Variants in PHACTR1 observed in about 807,000 individuals in gnomAD.
PHACTR1 encodes the protein RPEL repeat containing 1.
A neutral mutation model predicts 69.2 loss-of-function variants in PHACTR1; 16 were observed. The observed-to-expected ratio is 0.23, with a 90% CI of 0.16 to 0.35. PHACTR1 has a LOEUF of 0.35. Ranked by LOEUF, PHACTR1 falls within the 10% of genes least tolerant of loss-of-function variation. The pLI, the probability that PHACTR1 is intolerant of heterozygous loss-of-function variation, is 1.00. For missense variants in PHACTR1, 510 were observed against 734.7 expected, an observed-to-expected ratio of 0.69 and a Z score of 3.54; for synonymous variants, 312 against 284.5, an observed-to-expected ratio of 1.10 and a Z score of -0.97.
intron 10 of PHACTR1, among the ~76,000 whole-genome samples, chr6:13,234,998 T>G (rs868258306): frequency 6.6e-6 from 1 of 152,240 alleles, no homozygotes; most frequent in Non-Finnish European, 1.5e-5. Context: ...TATTTGTGCC[T>G]GAATTGTAAT....
Position 13,287,427 on chromosome 6 carries a change from G to T in PHACTR1, c.*349G>T. 3.3e-6 allele frequency: 1 copy of T among 302,816 alleles called. No homozygotes were observed. The highest frequency in any genetic ancestry group is 6.2e-6 in the Non-Finnish European group (1 of 161,482). 18.8% of individuals were successfully genotyped at this position (302,816 alleles called of 1,614,324 possible). The stretch of plus-strand genomic sequence containing the variant: ...AGGCACTACCTTCATGAAGTCTCCA[G>T]CAAACCTCTTCCTCACAAGTGTCTG... On this transcript the variant is annotated 3_prime_UTR_variant, in exon 15 of 15. Coordinates refer to ENST00000332995, the MANE Select transcript of PHACTR1 (RefSeq NM_030948.6).
intron 4 of PHACTR1, among the ~76,000 whole-genome samples, chr6:12,775,348 T>C (rs143843648): frequency 6.4e-4 from 98 of 152,374 alleles, no homozygotes; most frequent in Middle Eastern, 6.8e-3. Flanking sequence ...AATATTTATT[T>C]AGACAAAGTT....
chr6:12,859,647 C>T (rs2127422563), intron 4 of PHACTR1, among the ~76,000 whole-genome samples: 1 of 152,230 alleles, frequency 6.6e-6, no homozygotes, highest in South Asian at 2.1e-4. Context: ...ACCGTGTGTG[C>T]AAGGTTGAGA....
chr6:12,945,025 G>T (rs939628010), intron 4 of PHACTR1, among the ~76,000 whole-genome samples: 3 of 151,942 alleles, frequency 2.0e-5, no homozygotes, highest in East Asian at 1.9e-4. Flanking sequence ...CTCATGATCC[G>T]CCCGTCTCGG....
rs932840243 is a variant in PHACTR1, at chr6:13,032,172, C to T, written c.251-21193C>T. Among the ~76,000 whole-genome samples, 4 of 152,136 alleles carry T rather than the reference C, an allele frequency of 2.6e-5. No individual in the cohort carries two copies. In the East Asian group the frequency reaches 7.7e-4, roughly 29 times the overall value. Reference sequence around the variant, plus strand: ...TGTGAATAATTTTGCCAACTCATTCCTTAGTCTATTCTATATTTACCATTT... The same window carrying T: ...TGTGAATAATTTTGCCAACTCATTCTTTAGTCTATTCTATATTTACCATTT... On this transcript the variant is annotated intron_variant, in intron 4 of 14. Transcript: ENST00000332995.
At position 13,283,349 on chromosome 6, in the gene PHACTR1, A is replaced by G. The variant is rs936016262; in HGVS notation, c.1510-73A>G. The G allele has an allele frequency of 6.4e-7, 1 of 1,564,226 alleles. No individual in the cohort carries two copies. The highest frequency in any genetic ancestry group is 8.7e-7 in the Non-Finnish European group (1 of 1,151,174). ...CTGAACCTTATTTTCCACACCTGCA[A>G]GTTCACAGACAGGACCAAGTGCCAT... On this transcript the variant is annotated intron_variant, in intron 12 of 14. Coordinates refer to ENST00000332995, the MANE Select transcript of PHACTR1 (RefSeq NM_030948.6). This position sits in a 1 kb window ranked among gnomAD's most constrained non-coding sequence, Gnocchi z 4.7.
At chr6:13,228,607 A>AGT (rs1770221315) in intron 9 of PHACTR1, among the ~76,000 whole-genome samples, 1 of 152,248 alleles carries the variant, frequency 6.6e-6, no homozygotes, top group Non-Finnish European at 1.5e-5. Context: ...TAGTTACGTG[A>AGT]GTACAGCCTG....
chr6:13,122,473 G>A (rs950945779), intron 5 of PHACTR1, among the ~76,000 whole-genome samples: 2 of 152,212 alleles, frequency 1.3e-5, no homozygotes, highest in Non-Finnish European at 1.5e-5. Context: ...CATGGTGCTT[G>A]TAGGTTAACG....
intron 5 of PHACTR1, among the ~76,000 whole-genome samples, chr6:13,080,499 A>G (rs1022188471): frequency 7.9e-5 from 12 of 152,200 alleles, no homozygotes; most frequent in African/African-American, 2.9e-4. Context: ...TGCTTCGGCA[A>G]AGTCTTCTAA....
At chr6:13,153,017 G>GCTGA (rs1757657967) in intron 5 of PHACTR1, among the ~76,000 whole-genome samples, 2 of 152,116 alleles carry the variant, frequency 1.3e-5, no homozygotes, top group Non-Finnish European at 2.9e-5. Flanking sequence ...CACAGCGACT[G>GCTGA]GGAATGTACT....
intron 5 of PHACTR1, among the ~76,000 whole-genome samples, chr6:13,102,691 G>GA (rs1313063144): frequency 6.6e-6 from 1 of 152,032 alleles, no homozygotes. Context: ...CACCCCAGAA[G>GA]AAAAAAATGT....
chr6:12,759,682 T>G (rs1349250350), intron 4 of PHACTR1, among the ~76,000 whole-genome samples: 2 of 152,224 alleles, frequency 1.3e-5, no homozygotes, highest in Admixed American at 1.3e-4. Flanking sequence ...ATGGATTATA[T>G]TTGTCTTTTT....
intron 11 of PHACTR1, chr6:13,274,506 T>A (rs1778472530): frequency 6.6e-6 from 1 of 152,216 alleles, no homozygotes; most frequent in African/African-American, 2.4e-5. Flanking sequence ...CTGTACAACT[T>A]ACTCACAGCC....
At chr6:12,894,447 A>T (rs1434631968) in intron 4 of PHACTR1, among the ~76,000 whole-genome samples, 1 of 152,130 alleles carries the variant, frequency 6.6e-6, no homozygotes, top group Admixed American at 6.5e-5. Flanking sequence ...TCTACTAAAA[A>T]CACAAAAATT....
chr6:13,148,905 G>C (rs1823859694), intron 5 of PHACTR1, among the ~76,000 whole-genome samples: 1 of 152,162 alleles, frequency 6.6e-6, no homozygotes, highest in African/African-American at 2.4e-5. Flanking sequence ...TTGGAATGCA[G>C]GTCTCTACTG....
At chr6:12,955,287 C>T (rs533438294) in intron 4 of PHACTR1, among the ~76,000 whole-genome samples, 6 of 147,352 alleles carry the variant, frequency 4.1e-5, no homozygotes, top group Admixed American at 1.4e-4. Flanking sequence ...TAGCTTTGAC[C>T]TCCTGGGCTC....
intron 4 of PHACTR1, among the ~76,000 whole-genome samples, chr6:12,925,585 G>C (rs949797076): frequency 7.9e-5 from 12 of 152,132 alleles, no homozygotes; most frequent in East Asian, 1.9e-4. Context: ...ATAAATATTG[G>C]TACATTTTCC....
chr6:12,803,053 C>T (rs1463696676), intron 4 of PHACTR1, among the ~76,000 whole-genome samples: 2 of 152,300 alleles, frequency 1.3e-5, no homozygotes, highest in Non-Finnish European at 2.9e-5. Flanking sequence ...AAATTCCAGG[C>T]TGCCATAACT....
intron 8 of PHACTR1, among the ~76,000 whole-genome samples, chr6:13,210,774 A>T (rs1470723585): frequency 6.6e-6 from 1 of 152,176 alleles, no homozygotes; most frequent in Non-Finnish European, 1.5e-5. Context: ...ATTAGCCAGC[A>T]TGGAAAATTT....
Sources: allele counts gnomAD v4.1 joint callset (sites outside exome capture counted in the v4.1 genomes callset), GRCh38; gene constraint gnomAD v4.1.1; non-coding constraint Gnocchi (gnomAD v3.1); transcripts MANE v1.5; gene names NCBI Gene and HGNC (gene_info 2026-07-23, HGNC 2026-07-21).